The following C7orf78 variants were observed in gnomAD, a reference collection of about 807,000 sequenced individuals.
C7orf78 encodes the protein putative uncharacterized protein C7orf78.
At chr7:12,497,232 C>T in the C7orf78 span, among the ~76,000 whole-genome samples, 2 of 152,102 alleles carry the variant, frequency 1.3e-5, no homozygotes, top group East Asian at 3.9e-4. Context: ...CCAAGATGGC[C>T]GAATAGGAAC....
At chr7:12,511,947 T>TGTG in the C7orf78 span, among the ~76,000 whole-genome samples, 1 of 119,086 alleles carries the variant, frequency 8.4e-6, no homozygotes, top group Non-Finnish European at 1.8e-5. Context: ...TTTTTTTTTT[T>TGTG]TGTATTTTCA....
the C7orf78 span, among the ~76,000 whole-genome samples, chr7:12,517,130 T>C: frequency 6.6e-6 from 1 of 152,230 alleles, no homozygotes; most frequent in African/African-American, 2.4e-5. Context: ...CCATGTGTTA[T>C]GGGAGGGACT....
At chr7:12,508,313 CT>C in the C7orf78 span, among the ~76,000 whole-genome samples, 1 of 152,038 alleles carries the variant, frequency 6.6e-6, no homozygotes, top group South Asian at 2.1e-4. Flanking sequence ...ACTAAATATG[CT>C]TATTTTTGAG....
chr7:12,507,569 A>G, the C7orf78 span: 1 of 157,260 alleles, frequency 6.4e-6, no homozygotes, highest in Non-Finnish European at 1.4e-5. Flanking sequence ...AAGTTTTAAA[A>G]TTTTTATAAG....
the C7orf78 span, among the ~76,000 whole-genome samples, chr7:12,519,796 T>TA: frequency 6.6e-6 from 1 of 152,146 alleles, no homozygotes; most frequent in Non-Finnish European, 1.5e-5. Flanking sequence ...TGTGCCTCCG[T>TA]AGCCCTCTGG....
chr7:12,523,520 A>C, the C7orf78 span: 1 of 395,934 alleles, frequency 2.5e-6, no homozygotes, highest in Non-Finnish European at 4.5e-6. Context: ...AAACTATTAC[A>C]TATAGGAAAA....
At chr7:12,540,399 T>C in the C7orf78 span, among the ~76,000 whole-genome samples, 17 of 152,200 alleles carry the variant, frequency 1.1e-4, no homozygotes, top group African/African-American at 4.1e-4. Context: ...TTTTTGCAGC[T>C]TTTAATTGGC....
chr7:12,497,470 C>T, the C7orf78 span, among the ~76,000 whole-genome samples: 1 of 55,026 alleles, frequency 1.8e-5, no homozygotes, highest in Non-Finnish European at 3.8e-5. Flanking sequence ...TGACGGACGG[C>T]ACCTGGAGAA....
At chr7:12,525,395 T>C in the C7orf78 span, among the ~76,000 whole-genome samples, 2 of 152,168 alleles carry the variant, frequency 1.3e-5, no homozygotes, top group Non-Finnish European at 2.9e-5. Context: ...TTGCTATGTG[T>C]CTGAAAGAAG....
the C7orf78 span, among the ~76,000 whole-genome samples, chr7:12,540,151 C>T: frequency 6.6e-6 from 1 of 152,138 alleles, no homozygotes; most frequent in East Asian, 1.9e-4. Flanking sequence ...TTTGAAGGAA[C>T]CAACCTGTCT....
the C7orf78 span, among the ~76,000 whole-genome samples, chr7:12,512,560 T>A: frequency 6.6e-6 from 1 of 152,200 alleles, no homozygotes; most frequent in Non-Finnish European, 1.5e-5. Context: ...GGTGTATATC[T>A]TTTTGATGTG....
the C7orf78 span, among the ~76,000 whole-genome samples, chr7:12,528,503 G>C: frequency 6.9e-6 from 1 of 144,590 alleles, no homozygotes; most frequent in African/African-American, 2.6e-5. Flanking sequence ...CTGTGTAATT[G>C]AAATGGAAAA....
the C7orf78 span, among the ~76,000 whole-genome samples, chr7:12,488,594 C>A: frequency 6.6e-6 from 1 of 151,922 alleles, no homozygotes. Context: ...ATTGCAGAAT[C>A]ATTTAGCCAA....
the C7orf78 span, among the ~76,000 whole-genome samples, chr7:12,519,072 A>G: frequency 6.6e-6 from 1 of 152,076 alleles, no homozygotes; most frequent in Non-Finnish European, 1.5e-5. Flanking sequence ...TGGCTTCAGC[A>G]CTGTGCAGAA....
the C7orf78 span, among the ~76,000 whole-genome samples, chr7:12,510,227 TCACGATCCAGCAGTGGC>T: frequency 6.6e-6 from 1 of 151,866 alleles, no homozygotes; most frequent in African/African-American, 2.4e-5. Flanking sequence ...CCAGGCTGGA[TCACGATCCAGCAGTGGC>T]AGGATCATGG....
At chr7:12,523,816 T>A in the C7orf78 span, among the ~76,000 whole-genome samples, 5 of 152,180 alleles carry the variant, frequency 3.3e-5, no homozygotes, top group Non-Finnish European at 7.4e-5. Context: ...TGAAAATAGT[T>A]AAAAAGGGAT....
At chr7:12,532,771 G>A in the C7orf78 span, among the ~76,000 whole-genome samples, 1 of 152,046 alleles carries the variant, frequency 6.6e-6, no homozygotes, top group African/African-American at 2.4e-5. Context: ...TATATATAAT[G>A]TCTAGAGCTT....
At chr7:12,516,105 C>G in the C7orf78 span, among the ~76,000 whole-genome samples, 306 of 152,290 alleles carry the variant, frequency 2.0e-3, 1 homozygote, top group African/African-American at 7.2e-3. Flanking sequence ...ACAGCAGACC[C>G]TCCCATCACA....
At chr7:12,539,436 C>G in the C7orf78 span, among the ~76,000 whole-genome samples, 3 of 152,138 alleles carry the variant, frequency 2.0e-5, no homozygotes. Flanking sequence ...TGCACTCCAG[C>G]CTGGGTGACA....
Sources: allele counts gnomAD v4.1 joint callset (sites outside exome capture counted in the v4.1 genomes callset), GRCh38; gene constraint gnomAD v4.1.1; transcripts MANE v1.5; gene names NCBI Gene and HGNC (gene_info 2026-07-23, HGNC 2026-07-21).